SAMTOR: variants seen among roughly 807,000 people sequenced by gnomAD.
SAMTOR encodes the protein S-adenosylmethionine sensor upstream of mTORC1.
the SAMTOR span, chr7:112,915,174 G>A: frequency 1.4e-6 from 1 of 734,788 alleles, no homozygotes; most frequent in Non-Finnish European, 2.1e-6. Context: ...GGAGGTGGAG[G>A]TTGCAGTGAG....
At chr7:112,914,276 G>GT in the SAMTOR span, among the ~76,000 whole-genome samples, 95,852 of 130,676 alleles carry the variant, frequency 0.73, 36,037 homozygotes, top group East Asian at 0.9. Flanking sequence ...TTAGCCTCTA[G>GT]TTTTTTTTTT....
chr7:112,919,415 A>G, the SAMTOR span, among the ~76,000 whole-genome samples: 9 of 152,298 alleles, frequency 5.9e-5, no homozygotes, highest in South Asian at 1.9e-3. Flanking sequence ...ACAAAGATAC[A>G]ACATACCAGA....
chr7:112,827,664 G>A, the SAMTOR span, among the ~76,000 whole-genome samples: 9 of 152,208 alleles, frequency 5.9e-5, no homozygotes, highest in African/African-American at 1.9e-4. Flanking sequence ...CTTATAATAT[G>A]TAATGCAATG....
chr7:112,836,395 TG>T, the SAMTOR span, among the ~76,000 whole-genome samples: 1 of 152,062 alleles, frequency 6.6e-6, no homozygotes, highest in Non-Finnish European at 1.5e-5. Context: ...CTTTGTCAGA[TG>T]CATGGTTATA....
chr7:112,939,779 C>T, the SAMTOR span: 1 of 1,554,200 alleles, frequency 6.4e-7, no homozygotes, highest in South Asian at 1.1e-5. Context: ...GCCGCCGCCC[C>T]TCAGGCCCCC....
chr7:112,848,850 C>G, the SAMTOR span, among the ~76,000 whole-genome samples: 1 of 152,162 alleles, frequency 6.6e-6, no homozygotes, highest in Non-Finnish European at 1.5e-5. Context: ...GAGTTCGAGA[C>G]CAGCCTGATC....
At chr7:112,939,776 C>T in the SAMTOR span, 1 of 1,550,060 alleles carries the variant, frequency 6.5e-7, no homozygotes, top group East Asian at 2.3e-5. Flanking sequence ...GCCGCCGCCG[C>T]CCCTCAGGCC....
the SAMTOR span, among the ~76,000 whole-genome samples, chr7:112,934,809 G>C: frequency 2.0e-5 from 3 of 152,154 alleles, no homozygotes; most frequent in African/African-American, 7.2e-5. Context: ...CTGCAACAAT[G>C]CTTTTGGTTT....
the SAMTOR span, among the ~76,000 whole-genome samples, chr7:112,883,725 T>C: frequency 3.9e-5 from 6 of 152,242 alleles, no homozygotes; most frequent in East Asian, 1.2e-3. Context: ...AGTATGATGA[T>C]GACATGCATG....
At chr7:112,875,160 C>T in the SAMTOR span, among the ~76,000 whole-genome samples, 1 of 152,140 alleles carries the variant, frequency 6.6e-6, no homozygotes, top group Admixed American at 6.5e-5. Flanking sequence ...TAAAACCTGA[C>T]CCAGCCCCCA....
chr7:112,894,200 TGGGGAGA>T, the SAMTOR span, among the ~76,000 whole-genome samples: 1 of 101,638 alleles, frequency 9.8e-6, no homozygotes, highest in Non-Finnish European at 2.0e-5. Context: ...GAGGGAAGAG[TGGGGAGA>T]GAGGAGAGGG....
chr7:112,881,583 T>C, the SAMTOR span, among the ~76,000 whole-genome samples: 1 of 152,156 alleles, frequency 6.6e-6, no homozygotes, highest in Non-Finnish European at 1.5e-5. Flanking sequence ...TGGGATGACA[T>C]GCCTGCAAAT....
the SAMTOR span, among the ~76,000 whole-genome samples, chr7:112,871,723 T>C: frequency 6.8e-6 from 1 of 146,218 alleles, no homozygotes; most frequent in Non-Finnish European, 1.5e-5. Flanking sequence ...GTTAATAGCA[T>C]AAACAAGATT....
At chr7:112,840,254 T>C in the SAMTOR span, among the ~76,000 whole-genome samples, 3 of 152,080 alleles carry the variant, frequency 2.0e-5, no homozygotes, top group South Asian at 6.2e-4. Context: ...TTTTTGATTT[T>C]GCTAATTTGA....
the SAMTOR span, among the ~76,000 whole-genome samples, chr7:112,888,499 G>A: frequency 2.6e-5 from 4 of 152,096 alleles, no homozygotes; most frequent in African/African-American, 7.2e-5. Context: ...ATGGGTAATT[G>A]GGGTTTGGGA....
chr7:112,857,578 A>T, the SAMTOR span, among the ~76,000 whole-genome samples: 1 of 152,342 alleles, frequency 6.6e-6, no homozygotes, highest in East Asian at 1.9e-4. Context: ...TAAAATTTAC[A>T]TATACACAAT....
At chr7:112,834,599 C>T in the SAMTOR span, among the ~76,000 whole-genome samples, 16 of 152,202 alleles carry the variant, frequency 1.1e-4, no homozygotes, top group African/African-American at 3.1e-4. Context: ...ATTCTCACAC[C>T]GTCAGACCCA....
At chr7:112,848,930 TC>T in the SAMTOR span, among the ~76,000 whole-genome samples, 43 of 151,720 alleles carry the variant, frequency 2.8e-4, no homozygotes, top group Admixed American at 2.8e-3. Flanking sequence ...ACGCCTGTAA[TC>T]CCCGCTACTC....
chr7:112,927,614 G>T, the SAMTOR span, among the ~76,000 whole-genome samples: 63 of 152,152 alleles, frequency 4.1e-4, no homozygotes, highest in Admixed American at 9.8e-4. Flanking sequence ...GAGAGAGAAA[G>T]AGACAGGTAC....
Sources: gnomAD v4.1 joint callset for allele counts (sites outside exome capture counted in the v4.1 genomes callset) on GRCh38, gnomAD v4.1.1 for gene constraint, MANE v1.5 for transcripts, NCBI Gene and HGNC (gene_info 2026-07-23, HGNC 2026-07-21) for gene names.